The following NGEF variants were observed in gnomAD, a reference collection of about 807,000 sequenced individuals.
The protein encoded by NGEF is neuronal guanine nucleotide exchange factor.
Under a neutral mutation model 80.9 loss-of-function variants are expected in NGEF, and 31 were observed. That is an observed-to-expected ratio of 0.38 (90% CI 0.29 to 0.52). NGEF has a LOEUF of 0.52. Ranked by LOEUF, NGEF falls within the 20% of genes least tolerant of loss-of-function variation. The pLI is 0.84. For synonymous variants in NGEF, 371 were observed against 370.2 expected (o/e 1.00, Z -0.03); for missense variants, 709 against 926.2 (o/e 0.77, Z 3.04).
chr2:232,985,819 A>G (rs535205214), intron 1 of NGEF, among the ~76,000 whole-genome samples: 4 of 152,086 alleles, frequency 2.6e-5, no homozygotes, highest in African/African-American at 9.6e-5. Context: ...GGCACCTGTA[A>G]TTCCAGCTAC....
rs1024062144 is a variant in NGEF at position 232,882,330 on chromosome 2, G to A, written c.1758-65C>T. On this transcript the variant is annotated intron_variant, in intron 12 of 14. Coordinates refer to ENST00000264051, the MANE Select transcript of NGEF (RefSeq NM_019850.3). ...ACGGCAGCCCCCCAACGTGTGGCACGAGGCTTCCCAGCTAGCTGCCCCTCG... is the reference window on the plus strand; with the variant it reads ...ACGGCAGCCCCCCAACGTGTGGCACAAGGCTTCCCAGCTAGCTGCCCCTCG... 31 of 1,423,936 alleles carry A rather than the reference G, an allele frequency of 2.2e-5. No homozygotes were observed. The South Asian group carries it at 3.2e-4, about 15-fold the overall frequency. 88.2% of individuals were successfully genotyped at this position (1,423,936 alleles called of 1,614,324 possible).
chr2:232,923,027 G>A lies in NGEF; in HGVS notation c.527-2442C>T, dbSNP rs143069279. On this transcript the variant is annotated intron_variant, in intron 4 of 14. Transcript: ENST00000264051. ...GGAGGTTGCAGTGAGCTGAGATCGC[G>A]CCACTTCACTCTAGCCTGGGCGAAA... 1.7e-3 allele frequency among the ~76,000 whole-genome samples: 256 copies of A among 151,968 alleles called. 1 individual carries two copies. In the East Asian group the frequency reaches 0.032, roughly 19 times the overall value.
At chr2:232,980,913 G>A (rs905792944) in intron 1 of NGEF, among the ~76,000 whole-genome samples, 6 of 152,012 alleles carry the variant, frequency 3.9e-5, no homozygotes, top group South Asian at 4.1e-4. Flanking sequence ...CGAGAGCAGC[G>A]GCCCTTGCTT....
intron 4 of NGEF, among the ~76,000 whole-genome samples, chr2:232,922,352 C>T (rs1692964675): frequency 6.6e-6 from 1 of 152,198 alleles, no homozygotes. Flanking sequence ...GATTAAATGA[C>T]TTGGTTTCCA....
At position 232,977,576 on chromosome 2, in the gene NGEF, T is replaced by C. The variant is rs532223219; in HGVS notation, c.-74-2612A>G. On this transcript the variant is annotated intron_variant, in intron 1 of 14. Coordinates refer to ENST00000264051, the MANE Select transcript of NGEF (RefSeq NM_019850.3). ...CTCACCCAAACCCTTGCATTGAGGCTGCTTTCAGTGAAGAGCTGGACCTGT... is the reference window on the plus strand; with the variant it reads ...CTCACCCAAACCCTTGCATTGAGGCCGCTTTCAGTGAAGAGCTGGACCTGT... 8.5e-5 allele frequency among the ~76,000 whole-genome samples: 13 copies of C among 152,302 alleles called. No individual in the cohort carries two copies. In the East Asian group the frequency reaches 2.5e-3, roughly 29 times the overall value.
intron 3 of NGEF, chr2:232,928,094 T>C: frequency 9.3e-7 from 1 of 1,077,656 alleles, no homozygotes; most frequent in Non-Finnish European, 1.1e-6. Flanking sequence ...CGGAGCGGGG[T>C]CGCAGCGCGC....
chr2:232,961,006 T>C (rs6437077), intron 3 of NGEF, among the ~76,000 whole-genome samples: 120,690 of 152,158 alleles, frequency 0.79, 48,471 homozygotes, highest in African/African-American at 0.92. Flanking sequence ...GATTGTGCTT[T>C]CCTCCTGCCG....
intron 6 of NGEF, among the ~76,000 whole-genome samples, chr2:232,893,328 T>C (rs1041656181): frequency 6.6e-6 from 1 of 152,172 alleles, no homozygotes; most frequent in Non-Finnish European, 1.5e-5. Context: ...ATAAAATAGA[T>C]GACCATGGGG....
chr2:233,000,564 T>C (rs1166765153), intron 1 of NGEF, among the ~76,000 whole-genome samples: 5 of 151,986 alleles, frequency 3.3e-5, no homozygotes, highest in Admixed American at 1.3e-4. Flanking sequence ...GAGACCATCC[T>C]GGCTAACACG....
chr2:232,896,817 G>GGC, intron 5 of NGEF, among the ~76,000 whole-genome samples: 2 of 115,350 alleles, frequency 1.7e-5, no homozygotes, highest in African/African-American at 3.6e-5. Flanking sequence ...TGAGGGTAGG[G>GGC]GTAAGGGTGA....
intron 1 of NGEF, among the ~76,000 whole-genome samples, chr2:232,995,314 CTGTATA>C (rs1414299094): frequency 1.7e-5 from 1 of 59,634 alleles, no homozygotes; most frequent in African/African-American, 1.7e-4. Context: ...AGTATGTATA[CTGTATA>C]TGTGTACAGT....
At chr2:232,993,110 T>A (rs868403322) in intron 1 of NGEF, among the ~76,000 whole-genome samples, 11 of 66,300 alleles carry the variant, frequency 1.7e-4, no homozygotes, top group Middle Eastern at 7.7e-3. Context: ...TAAATAAATA[T>A]ATATATATAA....
At chr2:232,888,578 C>G (rs143287708) in intron 8 of NGEF, among the ~76,000 whole-genome samples, 1 of 152,094 alleles carries the variant, frequency 6.6e-6, no homozygotes, top group Non-Finnish European at 1.5e-5. Flanking sequence ...CACGCATGCA[C>G]GCACACACAT....
intron 4 of NGEF, among the ~76,000 whole-genome samples, chr2:232,924,178 A>C (rs1693009194): frequency 6.6e-6 from 1 of 152,164 alleles, no homozygotes; most frequent in Non-Finnish European, 1.5e-5. Context: ...AGGAGGCTGC[A>C]GTGAGCCGAG....
In NGEF at chr2:232,924,301, C is replaced by T. The variant is rs142227132; in HGVS notation, c.526+2743G>A. Among the ~76,000 whole-genome samples, 802 of 152,258 alleles carry T rather than the reference C, an allele frequency of 5.3e-3. 6 individuals carry two copies. The highest frequency in any genetic ancestry group is 0.018 in the African/African-American group (746 of 41,542). On this transcript the variant is annotated intron_variant, in intron 4 of 14. Transcript: ENST00000264051. ...TGGAAGGCAGCCGCCTGGCCCCTTC[C>T]GTCCTGTGAGGATGCACCAAAGGAT...
At chr2:232,885,058 C>G (rs534022410) in intron 10 of NGEF, 2 of 563,724 alleles carry the variant, frequency 3.5e-6, no homozygotes, top group Non-Finnish European at 6.4e-6. Flanking sequence ...GCCCCGCACT[C>G]CCGTCTCCCA....
intron 9 of NGEF, 54 bp downstream of exon 9, chr2:232,887,979 C>T: frequency 7.2e-7 from 1 of 1,392,140 alleles, no homozygotes; most frequent in Non-Finnish European, 1.0e-6. Flanking sequence ...AAAGGTGTGC[C>T]TGGATGAGGA....
intron 1 of NGEF, among the ~76,000 whole-genome samples, chr2:233,001,107 G>T (rs1694968322): frequency 6.6e-6 from 1 of 152,164 alleles, no homozygotes; most frequent in Non-Finnish European, 1.5e-5. Flanking sequence ...GGCCACAGCT[G>T]ACCAGAGCAG....
In NGEF at chr2:233,011,669, C is replaced by T. The variant is rs116362662; in HGVS notation, c.-75+1399G>A. Among the ~76,000 whole-genome samples the T allele has an allele frequency of 3.8e-3, 576 of 152,206 alleles. 6 individuals are homozygous for T. The highest frequency in any genetic ancestry group is 0.013 in the African/African-American group (554 of 41,528). ...ATGCAGTGATATGATCATAGCCCAC[C>T]GCATGACTTCTGGGCTCAAGCAGCC... is the stretch of plus-strand genomic sequence containing the variant. On this transcript the variant is annotated intron_variant, in intron 1 of 14. Transcript: ENST00000264051.
Sources: gnomAD v4.1 joint callset for allele counts (sites outside exome capture counted in the v4.1 genomes callset) on GRCh38, gnomAD v4.1.1 for gene constraint, MANE v1.5 for transcripts, NCBI Gene and HGNC (gene_info 2026-07-23, HGNC 2026-07-21) for gene names.